TDP1: variants seen among roughly 807,000 people sequenced by gnomAD.
TDP1 encodes the protein tyr-DNA phosphodiesterase 1.
A neutral mutation model predicts 81.5 loss-of-function variants in TDP1; 64 were observed. The ratio of observed to expected loss-of-function variants is 0.79; its 90% CI spans 0.64 to 0.97. The LOEUF is 0.97. Ranked by LOEUF, TDP1 falls within the 50% of genes least tolerant of loss-of-function variation. The pLI is 0.00. For synonymous variants in TDP1, 256 were observed against 264.3 expected (o/e 0.97, Z 0.30); for missense variants, 723 against 743.8 (o/e 0.97, Z 0.33).
At chr14:90,030,597 C>A (rs1321112820) in intron 15 of TDP1, among the ~76,000 whole-genome samples, 1 of 152,178 alleles carries the variant, frequency 6.6e-6, no homozygotes, top group African/African-American at 2.4e-5. Flanking sequence ...CACTTTCACA[C>A]AGGTTGTGCC....
intron 15 of TDP1, among the ~76,000 whole-genome samples, chr14:90,021,335 AG>A (rs1886070784): frequency 6.6e-6 from 1 of 152,166 alleles, no homozygotes; most frequent in Non-Finnish European, 1.5e-5. Context: ...CATCACTAGG[AG>A]GTGTGATTAT....
At chr14:90,012,214 C>G (rs1261940745) in intron 14 of TDP1, among the ~76,000 whole-genome samples, 1 of 152,182 alleles carries the variant, frequency 6.6e-6, no homozygotes, top group African/African-American at 2.4e-5. Flanking sequence ...GTTTGGGAAC[C>G]TCTACTTACA....
At chr14:90,017,698 C>T (rs1196105963) in intron 14 of TDP1, among the ~76,000 whole-genome samples, 1 of 152,208 alleles carries the variant, frequency 6.6e-6, no homozygotes, top group Non-Finnish European at 1.5e-5. Flanking sequence ...ACCTCAGACC[C>T]ACTGGTTGGT....
At position 89,993,373 on chromosome 14, in the gene TDP1, T is replaced by C. The variant is rs1896386405; in HGVS notation, c.1434-3T>C. 2 of 1,611,822 alleles carry C rather than the reference T, an allele frequency of 1.2e-6. No homozygotes were observed. The highest frequency in any genetic ancestry group is 4.5e-5 in the East Asian group (2 of 44,864). On this transcript the variant is annotated splice_polypyrimidine_tract_variant and splice_region_variant and intron_variant, in intron 13 of 16. Coordinates refer to ENST00000335725, the MANE Select transcript of TDP1 (RefSeq NM_018319.4). ...TAGTAACTTTTGTCTTTTCTGTCACTAGCAAATGGTCAGCTGAGACTTCTG... is the reference window on the plus strand; with the variant it reads ...TAGTAACTTTTGTCTTTTCTGTCACCAGCAAATGGTCAGCTGAGACTTCTG...
intron 4 of TDP1, 132 bp downstream of exon 4, chr14:89,966,322 G>A: frequency 1.4e-6 from 1 of 721,220 alleles, no homozygotes; most frequent in East Asian, 2.6e-5. Flanking sequence ...CACATACCTG[G>A]AGGCTGGCTC....
At chr14:90,024,901 A>G (rs1886478774) in intron 15 of TDP1, among the ~76,000 whole-genome samples, 1 of 152,206 alleles carries the variant, frequency 6.6e-6, no homozygotes, top group Non-Finnish European at 1.5e-5. Context: ...TTTGCCAAAT[A>G]GACTTACTTA....
At chr14:89,961,897 G>A (rs538590050) in intron 2 of TDP1, among the ~76,000 whole-genome samples, 98 of 152,290 alleles carry the variant, frequency 6.4e-4, no homozygotes, top group Non-Finnish European at 1.1e-3. Context: ...CTGTTGATCT[G>A]AGCACAGACT....
chr14:90,040,856 A>G (rs889665958), intron 16 of TDP1, among the ~76,000 whole-genome samples: 1 of 152,224 alleles, frequency 6.6e-6, no homozygotes, highest in Non-Finnish European at 1.5e-5. Flanking sequence ...TCAGCCAGCT[A>G]TAGACATTCT....
intron 14 of TDP1, among the ~76,000 whole-genome samples, chr14:90,003,093 A>G (rs1397063651): frequency 2.0e-5 from 3 of 152,070 alleles, no homozygotes; most frequent in African/African-American, 7.2e-5. Flanking sequence ...GCATGCCACC[A>G]TGCCCAGCTA....
intron 2 of TDP1, among the ~76,000 whole-genome samples, chr14:89,959,234 G>A (rs1892042088): frequency 6.6e-6 from 1 of 152,200 alleles, no homozygotes; most frequent in African/African-American, 2.4e-5. Flanking sequence ...TCAGATTTAT[G>A]CTGTACCAAG....
chr14:90,033,019 A>G, intron 15 of TDP1, 87 bp from the exon 16 acceptor site: 1 of 1,175,656 alleles, frequency 8.5e-7, no homozygotes, highest in Non-Finnish European at 1.2e-6. Context: ...TACCATAAAG[A>G]TATTATTGCT....
chr14:89,982,403 G>A (rs887088547), intron 8 of TDP1, among the ~76,000 whole-genome samples: 1 of 152,188 alleles, frequency 6.6e-6, no homozygotes, highest in East Asian at 1.9e-4. Flanking sequence ...GCCAGATTGG[G>A]TTTGGGGATT....
intron 3 of TDP1, 103 bp downstream of exon 3, chr14:89,963,776 T>G (rs1892613625): frequency 7.3e-7 from 1 of 1,363,304 alleles, no homozygotes; most frequent in Non-Finnish European, 1.0e-6. Flanking sequence ...GAACTCTTCT[T>G]TGTGTTCTTA....
chr14:90,029,390 G>C (rs1209903455), intron 15 of TDP1, among the ~76,000 whole-genome samples: 1 of 151,690 alleles, frequency 6.6e-6, no homozygotes, highest in Non-Finnish European at 1.5e-5. Context: ...GTAGAGATGG[G>C]GTTTCTCCGT....
At chr14:89,977,276 T>C (rs2140049866) in intron 7 of TDP1, among the ~76,000 whole-genome samples, 1 of 152,350 alleles carries the variant, frequency 6.6e-6, no homozygotes, top group South Asian at 2.1e-4. Flanking sequence ...TGTCTTGAAA[T>C]TACTTTTAGT....
intron 14 of TDP1, among the ~76,000 whole-genome samples, chr14:90,012,046 G>A (rs569523872): frequency 8.3e-4 from 127 of 152,342 alleles, no homozygotes; most frequent in African/African-American, 3.0e-3. Flanking sequence ...GGCCCTTGCC[G>A]CTTTGTGCAG....
At chr14:90,014,405 T>G (rs1176359672) in intron 14 of TDP1, among the ~76,000 whole-genome samples, 2 of 152,244 alleles carry the variant, frequency 1.3e-5, no homozygotes, top group Non-Finnish European at 2.9e-5. Flanking sequence ...TCTGTGTTTG[T>G]GGCACACACA....
intron 14 of TDP1, among the ~76,000 whole-genome samples, chr14:89,997,586 ATTGTTAACACCGT>A (rs1182892973): frequency 3.9e-5 from 6 of 152,160 alleles, no homozygotes; most frequent in Non-Finnish European, 7.3e-5. Flanking sequence ...GTTAGTACTG[ATTGTTAACACCGT>A]AATCCTTTGC....
At chr14:90,025,171 AG>A (rs1473697524) in intron 15 of TDP1, among the ~76,000 whole-genome samples, 1 of 152,232 alleles carries the variant, frequency 6.6e-6, no homozygotes, top group Non-Finnish European at 1.5e-5. Flanking sequence ...CACACTGCAG[AG>A]GCCTCACCTA....
Sources: gnomAD v4.1 joint callset for allele counts (sites outside exome capture counted in the v4.1 genomes callset) on GRCh38, gnomAD v4.1.1 for gene constraint, MANE v1.5 for transcripts, NCBI Gene and HGNC (gene_info 2026-07-23, HGNC 2026-07-21) for gene names.